Variants in RABGAP1L observed in about 807,000 individuals in gnomAD.
The protein encoded by RABGAP1L is RAB GTPase activating protein 1 like.
A neutral mutation model predicts 137.7 loss-of-function variants in RABGAP1L; 63 were observed. The ratio of observed to expected loss-of-function variants is 0.46; its 90% CI spans 0.37 to 0.56. The LOEUF (loss-of-function observed/expected upper bound fraction) is 0.56. Ranked by LOEUF, RABGAP1L falls within the 20% of genes least tolerant of loss-of-function variation. The probability of loss-of-function intolerance (pLI) is 0.00; values close to 1 mark genes in which losing one functional copy is unlikely to be tolerated. For synonymous variants in RABGAP1L, 431 were observed against 433.7 expected (o/e 0.99, Z 0.08); for missense variants, 1,095 against 1,244.0 (o/e 0.88, Z 1.80).
chr1:174,465,194 G>A (rs12568655), intron 13 of RABGAP1L, among the ~76,000 whole-genome samples: 75,687 of 151,916 alleles, frequency 0.5, 21,415 homozygotes, highest in African/African-American at 0.78. Context: ...TTCATTCAGC[G>A]AATATTTATT....
chr1:174,359,371 T>G (rs1308714790), intron 11 of RABGAP1L, among the ~76,000 whole-genome samples: 3 of 152,234 alleles, frequency 2.0e-5, no homozygotes, highest in African/African-American at 7.2e-5. Flanking sequence ...GCCAAGTGTT[T>G]AAAACACTCA....
chr1:174,281,182 A>G (rs1011980129), intron 10 of RABGAP1L, among the ~76,000 whole-genome samples: 4 of 152,126 alleles, frequency 2.6e-5, no homozygotes, highest in Admixed American at 2.6e-4. Flanking sequence ...CACAGAGTGG[A>G]AGAGGACCCG....
chr1:174,492,176 C>CTTTTT (rs756360090), intron 13 of RABGAP1L, among the ~76,000 whole-genome samples: 2 of 120,006 alleles, frequency 1.7e-5, no homozygotes, highest in Admixed American at 8.4e-5. Context: ...TGTCGAATTA[C>CTTTTT]TTTTTTTTTT....
intron 13 of RABGAP1L, chr1:174,449,266 A>AT: frequency 7.5e-7 from 1 of 1,327,298 alleles, no homozygotes; most frequent in South Asian, 1.5e-5. Context: ...TTCATCTGGA[A>AT]ATTTGCCATC....
At chr1:174,780,401 G>T (rs530978901) in intron 18 of RABGAP1L, among the ~76,000 whole-genome samples, 1 of 152,148 alleles carries the variant, frequency 6.6e-6, no homozygotes, top group South Asian at 2.1e-4. Context: ...CTGGGAATAG[G>T]CTTCCTCCAG....
chr1:174,810,187 TC>T (rs1689734185), intron 18 of RABGAP1L, among the ~76,000 whole-genome samples: 1 of 152,232 alleles, frequency 6.6e-6, no homozygotes, highest in Admixed American at 6.5e-5. Flanking sequence ...ATTCATTTAT[TC>T]TGTTAGAAAT....
chr1:174,179,544 G>GCACACACACA (rs56839600), intron 1 of RABGAP1L, among the ~76,000 whole-genome samples: 6 of 147,154 alleles, frequency 4.1e-5, no homozygotes, highest in African/African-American at 1.5e-4. Flanking sequence ...CTTAGCACGT[G>GCACACACACA]CACACACACA....
At chr1:174,629,078 G>C (rs930510121) in intron 13 of RABGAP1L, among the ~76,000 whole-genome samples, 24 of 152,064 alleles carry the variant, frequency 1.6e-4, no homozygotes, top group African/African-American at 5.6e-4. Context: ...AATTAATATT[G>C]AGGAGAAAAA....
At chr1:174,265,274 A>G (rs889049835) in intron 7 of RABGAP1L, among the ~76,000 whole-genome samples, 2 of 152,248 alleles carry the variant, frequency 1.3e-5, no homozygotes, top group Non-Finnish European at 2.9e-5. Flanking sequence ...TATTAGTCTT[A>G]CTGAATGGAA....
chr1:174,808,780 A>C (rs958990071), intron 18 of RABGAP1L, among the ~76,000 whole-genome samples: 2 of 151,558 alleles, frequency 1.3e-5, no homozygotes, highest in African/African-American at 4.8e-5. Context: ...CAGCCTCCCA[A>C]GTAGCTGGGA....
intron 13 of RABGAP1L, among the ~76,000 whole-genome samples, chr1:174,457,959 A>G (rs1293452459): frequency 6.6e-6 from 1 of 152,212 alleles, no homozygotes; most frequent in Admixed American, 6.5e-5. Flanking sequence ...TATTTTGAAT[A>G]ATAGAATCAC....
intron 13 of RABGAP1L, chr1:174,546,000 G>A (rs1665977510): frequency 6.6e-6 from 1 of 152,092 alleles, no homozygotes. Flanking sequence ...TAAGTAGAAA[G>A]GTTCTGTCAT....
chr1:174,551,000 A>ATG lies in RABGAP1L; in HGVS notation c.1711-86374_1711-86373insGT, dbSNP rs1491441842. On this transcript the variant is annotated intron_variant, in intron 13 of 25. Transcript: ENST00000681986. ...TATATATACATATATATATATACAC[A>ATG]TATATATATATATATATATATACAT... 1.9e-4 allele frequency among the ~76,000 whole-genome samples: 14 copies of ATG among 73,934 alleles called. 1 individual carries two copies. The highest frequency in any genetic ancestry group is 1.7e-3 in the African/African-American group (10 of 5,724). The allele number at this position is 73,934 out of a possible 152,430, so 48.5% of individuals were successfully genotyped here.
At chr1:174,716,214 G>A (rs2146564) in intron 17 of RABGAP1L, among the ~76,000 whole-genome samples, 32,633 of 152,070 alleles carry the variant, frequency 0.21, 3,799 homozygotes, top group Admixed American at 0.25. Context: ...AGAATCCACC[G>A]ATAGGGAGGG....
At chr1:174,636,116 A>G (rs373606621) in intron 13 of RABGAP1L, among the ~76,000 whole-genome samples, 2 of 152,194 alleles carry the variant, frequency 1.3e-5, no homozygotes, top group African/African-American at 2.4e-5. Context: ...AAAGATAAAC[A>G]TTTCTAGGAA....
intron 3 of RABGAP1L, among the ~76,000 whole-genome samples, chr1:174,221,978 C>T (rs1019569537): frequency 1.2e-4 from 18 of 151,552 alleles, no homozygotes; most frequent in Non-Finnish European, 2.5e-4. Flanking sequence ...TGGGTGTGTA[C>T]CACCATGCCT....
intron 21 of RABGAP1L, among the ~76,000 whole-genome samples, chr1:174,974,796 C>T (rs554385608): frequency 6.6e-6 from 1 of 152,358 alleles, no homozygotes; most frequent in Non-Finnish European, 1.5e-5. Context: ...ACTGTGCTGG[C>T]CTGGCCATCT....
chr1:174,912,295 C>A (rs1217064570), intron 19 of RABGAP1L, among the ~76,000 whole-genome samples: 1 of 152,102 alleles, frequency 6.6e-6, no homozygotes, highest in Non-Finnish European at 1.5e-5. Flanking sequence ...GTGCATGCCA[C>A]CATGCCCAGC....
intron 13 of RABGAP1L, among the ~76,000 whole-genome samples, chr1:174,410,074 C>T (rs960223130): frequency 2.6e-5 from 4 of 152,056 alleles, no homozygotes; most frequent in Admixed American, 6.6e-5. Flanking sequence ...TTTGTACACC[C>T]CCTCCCCTTT....
Sources: gnomAD v4.1 joint callset for allele counts (sites outside exome capture counted in the v4.1 genomes callset) on GRCh38, gnomAD v4.1.1 for gene constraint, MANE v1.5 for transcripts, NCBI Gene and HGNC (gene_info 2026-07-23, HGNC 2026-07-21) for gene names.